TM4SF18: variants seen among roughly 807,000 people sequenced by gnomAD.
TM4SF18 encodes the protein transmembrane 4 L six family member 18, also known as transmembrane 4 L6 family member 18.
In TM4SF18, 22 loss-of-function variants were observed where a neutral mutation model predicts 23.8. The ratio of observed to expected loss-of-function variants is 0.92; its 90% CI spans 0.66 to 1.32. TM4SF18 has a LOEUF of 1.32. Ranked by LOEUF, TM4SF18 falls within the 40% of genes most tolerant of loss-of-function variation. The pLI, the probability that TM4SF18 is intolerant of heterozygous loss-of-function variation, is 0.00. For missense variants in TM4SF18, 255 were observed against 240.3 expected, an observed-to-expected ratio of 1.06 and a Z score of -0.41; for synonymous variants, 87 against 87.9, an observed-to-expected ratio of 0.99 and a Z score of 0.06.
Position 149,322,256 on chromosome 3 carries a change from C to G in TM4SF18, c.591G>C (p.Gln197His), listed in dbSNP as rs761729936. The change falls in exon 5 of 6, where the codon CAG becomes CAC. Residue 197 changes from glutamine to histidine, a missense_variant and splice_region_variant. By Grantham distance (24) the Gln-to-His change is conservative. Transcript: ENST00000296059. ...ACAGGTGCCCATGAGAATCTGTTAC[C>G]TGGAAGATCACTGAATAGCTTCCAC... ...ILCGSYSVIFQPGII is the reference protein window; with the variant it reads ...ILCGSYSVIFHPGII 1.9e-6 allele frequency: 3 copies of G among 1,609,198 alleles called. No homozygotes were observed. Among genetic ancestry groups the G allele is most frequent in the South Asian group, 2.2e-5 (2 of 90,148 alleles).
At position 149,327,837 on chromosome 3, in the gene TM4SF18, A is replaced by G. The variant is rs566361782; in HGVS notation, c.267+2493T>C. 1.6e-4 allele frequency among the ~76,000 whole-genome samples: 25 copies of G among 152,302 alleles called. No homozygotes were observed. The South Asian group carries it at 4.8e-3, about 29-fold the overall frequency. ...GGGGAAACTGGCAGCCATAGCATAC[A>G]CACACATGCACACGCACACACTACA... is the stretch of plus-strand genomic sequence containing the variant. On this transcript the variant is annotated intron_variant, in intron 3 of 5. Transcript: ENST00000296059.
rs992981833 is a variant in TM4SF18, at chr3:149,320,320, G to A, written c.*1158C>T. On this transcript the variant is annotated 3_prime_UTR_variant, in exon 6 of 6. Transcript: ENST00000296059. The stretch of plus-strand genomic sequence containing the variant: ...CACTGTGTGCTGGGTCCTATGCATG[G>A]TGGGAAATATATAAGATGTGGCTAC... 5 of 152,374 alleles carry A rather than the reference G, an allele frequency of 3.3e-5. No individual in the cohort carries two copies. The highest frequency in any genetic ancestry group is 9.6e-5 in the African/African-American group (4 of 41,588). The allele number at this position is 152,374 out of a possible 1,614,324, so 9.4% of individuals were successfully genotyped here.
At chr3:149,330,525 T>C (rs1731067018) in intron 2 of TM4SF18, 106 bp from the exon 3 acceptor site, 1 of 659,278 alleles carries the variant, frequency 1.5e-6, no homozygotes, top group Admixed American at 3.1e-5. Flanking sequence ...GTCAGGTAGA[T>C]ATGGATTTGA....
chr3:149,330,460 AGTTT>A, intron 2 of TM4SF18, 41 bp from the exon 3 acceptor site: 9 of 1,373,498 alleles, frequency 6.6e-6, no homozygotes, highest in Non-Finnish European at 9.2e-6. Flanking sequence ...ATGAAATGCT[AGTTT>A]ACATTTGTGC....
Position 149,330,240 on chromosome 3 carries a change from T to C in TM4SF18, c.267+90A>G, listed in dbSNP as rs551354006. 1.2e-5 allele frequency: 9 copies of C among 780,230 alleles called. No homozygotes were observed. The African/African-American group carries it at 1.5e-4, about 13-fold the overall frequency. 48.3% of individuals were successfully genotyped at this position (780,230 alleles called of 1,614,324 possible). On this transcript the variant is annotated intron_variant, in intron 3 of 5. Coordinates refer to ENST00000296059, the MANE Select transcript of TM4SF18 (RefSeq NM_138786.4). ...GTACTGTACTCAACAGTAGTGAGGG[T>C]ATAATACTGTCAATATTTTTGTGTT...
chr3:149,322,527 A>C, intron 4 of TM4SF18, 91 bp from the exon 5 acceptor site: 1 of 1,054,852 alleles, frequency 9.5e-7, no homozygotes. Flanking sequence ...GTATAACTAA[A>C]ATATATAGTT....
At chr3:149,325,145 T>G (rs1442859803) in intron 3 of TM4SF18, 123 bp from the exon 4 acceptor site, 2 of 797,006 alleles carry the variant, frequency 2.5e-6, no homozygotes, top group East Asian at 2.8e-5. Flanking sequence ...CAATACTAAA[T>G]GCCCACATAG....
At chr3:149,324,494 C>G (rs1259258323) in intron 4 of TM4SF18, among the ~76,000 whole-genome samples, 2 of 152,156 alleles carry the variant, frequency 1.3e-5, no homozygotes, top group East Asian at 3.9e-4. Context: ...ACACTTGTAA[C>G]AGACCACATG....
intron 3 of TM4SF18, among the ~76,000 whole-genome samples, chr3:149,327,673 G>A (rs1167327442): frequency 6.6e-6 from 1 of 152,126 alleles, no homozygotes; most frequent in East Asian, 1.9e-4. Flanking sequence ...CAACAAACCT[G>A]TGATTTTAGG....
chr3:149,321,485 A>C lies in TM4SF18; in HGVS notation c.599T>G (p.Ile200Ser). The C allele has an allele frequency of 6.4e-7, 1 of 1,573,426 alleles. No individual in the cohort carries two copies. Among genetic ancestry groups the C allele is most frequent in the Non-Finnish European group, 8.6e-7 (1 of 1,156,780 alleles). ...GSYSVIFQPG[I>S]I ...AAAACATTTTGTCCTTATTCAAATG[A>C]TTCCAGGCTATAGGAAAAAAGGAAA... is the stretch of plus-strand genomic sequence containing the variant. The change falls in exon 6 of 6, where the codon ATC becomes AGC. Residue 200 changes from isoleucine to serine, a missense_variant. Coordinates refer to ENST00000296059, the MANE Select transcript of TM4SF18 (RefSeq NM_138786.4).
chr3:149,329,325 T>C (rs962263694), intron 3 of TM4SF18, among the ~76,000 whole-genome samples: 2 of 152,186 alleles, frequency 1.3e-5, no homozygotes, highest in Admixed American at 1.3e-4. Context: ...CATTGAAATA[T>C]CCTGGGGAGA....
At chr3:149,324,729 G>A in intron 4 of TM4SF18, 151 bp downstream of exon 4, 1 of 915,852 alleles carries the variant, frequency 1.1e-6, no homozygotes, top group South Asian at 1.8e-5. Flanking sequence ...AGAACAAATT[G>A]GTCTGGATAT....
chr3:149,330,787 T>G (rs182005631), intron 2 of TM4SF18, among the ~76,000 whole-genome samples: 1 of 152,172 alleles, frequency 6.6e-6, no homozygotes, highest in African/African-American at 2.4e-5. Flanking sequence ...GACTCAGTTG[T>G]GGAGAACCAA....
In TM4SF18 at chr3:149,318,555, A is replaced by G. The variant is rs1254677783; in HGVS notation, c.*2923T>C. ...AATTCAAGTACATAACACATTTTCA[A>G]AGGGAAATTTGAAAATACTGAACAA... On this transcript the variant is annotated 3_prime_UTR_variant, in exon 6 of 6. Transcript: ENST00000296059. 6.6e-6 allele frequency: 1 copy of G among 152,204 alleles called. No homozygotes were observed. Among genetic ancestry groups the G allele is most frequent in the Admixed American group, 6.5e-5 (1 of 15,280 alleles). 9.4% of individuals were successfully genotyped at this position (152,204 alleles called of 1,614,324 possible). A position where few individuals can be genotyped will look rare whatever the true frequency, so the allele number is the denominator to read the frequency against.
Position 149,321,289 on chromosome 3 carries a change from A to G in TM4SF18, c.*189T>C, listed in dbSNP as rs1448654639. 2.4e-6 allele frequency: 1 copy of G among 424,480 alleles called. No homozygotes were observed. Among genetic ancestry groups the G allele is most frequent in the Non-Finnish European group, 4.3e-6 (1 of 231,054 alleles). The allele number at this position is 424,480 out of a possible 1,614,324, so 26.3% of individuals were successfully genotyped here. On this transcript the variant is annotated 3_prime_UTR_variant, in exon 6 of 6. Coordinates refer to ENST00000296059, the MANE Select transcript of TM4SF18 (RefSeq NM_138786.4). ...AGTATTTCTGAAGTTTCTGATGCAT[A>G]TTACTTAAAAAACATACTAAATGGA... is the stretch of plus-strand genomic sequence containing the variant.
intron 3 of TM4SF18, among the ~76,000 whole-genome samples, chr3:149,329,051 A>G (rs928905527): frequency 6.6e-6 from 1 of 152,102 alleles, no homozygotes; most frequent in Non-Finnish European, 1.5e-5. Context: ...TCTGAGTATC[A>G]TAACTTGAAT....
intron 3 of TM4SF18, among the ~76,000 whole-genome samples, chr3:149,328,560 T>C (rs1406729544): frequency 1.3e-5 from 2 of 152,248 alleles, no homozygotes; most frequent in East Asian, 3.8e-4. Flanking sequence ...GTACTTTGTT[T>C]GGTTTAAATG....
At chr3:149,325,894 T>G (rs1730932284) in intron 3 of TM4SF18, among the ~76,000 whole-genome samples, 1 of 152,212 alleles carries the variant, frequency 6.6e-6, no homozygotes, top group South Asian at 2.1e-4. Flanking sequence ...ACATATCCTT[T>G]ATCTAGAATC....
chr3:149,329,424 G>C (rs1242024927), intron 3 of TM4SF18, among the ~76,000 whole-genome samples: 1 of 152,100 alleles, frequency 6.6e-6, no homozygotes, highest in Non-Finnish European at 1.5e-5. Context: ...GTTGTTCCAA[G>C]CTCCCAGGTG....
Sources: gnomAD v4.1 joint callset for allele counts (sites outside exome capture counted in the v4.1 genomes callset) on GRCh38, gnomAD v4.1.1 for gene constraint, MANE v1.5 for transcripts, NCBI Gene and HGNC (gene_info 2026-07-23, HGNC 2026-07-21) for gene names.